Variants in SEMA3D observed in about 807,000 individuals in gnomAD.
SEMA3D encodes semaphorin 3D.
SEMA3D carries 84 observed loss-of-function variants against 100.1 expected under a neutral mutation model. The observed-to-expected ratio is 0.84, with a 90% CI of 0.70 to 1.01. SEMA3D has a LOEUF of 1.01. SEMA3D is among the 50% of genes least tolerant of loss of function. The pLI, the probability that SEMA3D is intolerant of heterozygous loss-of-function variation, is 0.00. For missense variants in SEMA3D, 875 were observed against 934.1 expected, an observed-to-expected ratio of 0.94 and a Z score of 0.82; for synonymous variants, 312 against 320.7, an observed-to-expected ratio of 0.97 and a Z score of 0.29.
chr7:85,105,251 C>T (rs1248167975), intron 3 of SEMA3D, among the ~76,000 whole-genome samples: 1 of 152,056 alleles, frequency 6.6e-6, no homozygotes, highest in African/African-American at 2.4e-5. Flanking sequence ...GAGTTAGTAT[C>T]AGAGCATCAT....
the SEMA3D span, among the ~76,000 whole-genome samples, chr7:85,249,624 A>G: frequency 6.6e-6 from 1 of 152,160 alleles, no homozygotes; most frequent in Admixed American, 6.5e-5. Flanking sequence ...TTGAGGACCT[A>G]CCAATTTTCC....
intron 12 of SEMA3D, chr7:85,028,285 C>G (rs1171815765): frequency 2.9e-6 from 2 of 701,358 alleles, no homozygotes; most frequent in Non-Finnish European, 2.6e-6. Context: ...GAATGACTCT[C>G]AGCATCAGGG....
intron 2 of SEMA3D, chr7:85,139,883 A>C (rs1789993135): frequency 6.6e-6 from 1 of 152,062 alleles, no homozygotes; most frequent in Non-Finnish European, 1.5e-5. Context: ...TGTTATTTAC[A>C]GTGCTGTTGC....
At chr7:85,055,674 A>G (rs1336275888) in intron 9 of SEMA3D, 43 bp downstream of exon 9, 8 of 181,040 alleles carry the variant, frequency 4.4e-5, no homozygotes, top group Middle Eastern at 2.1e-3. Context: ...ATATATATAT[A>G]TATATATATA....
At chr7:85,131,931 TC>T (rs1460881002) in intron 2 of SEMA3D, among the ~76,000 whole-genome samples, 1 of 151,912 alleles carries the variant, frequency 6.6e-6, no homozygotes, top group Non-Finnish European at 1.5e-5. Context: ...TAAAATTTAT[TC>T]TTCCTAAATA....
At chr7:85,026,367 T>C (rs1481891907) in intron 12 of SEMA3D, among the ~76,000 whole-genome samples, 1 of 152,012 alleles carries the variant, frequency 6.6e-6, no homozygotes, top group Non-Finnish European at 1.5e-5. Context: ...TAGAGAGACA[T>C]GAGTGAGCCA....
intron 1 of SEMA3D, among the ~76,000 whole-genome samples, chr7:85,175,539 G>C (rs1791201238): frequency 2.0e-5 from 3 of 152,160 alleles, no homozygotes; most frequent in Admixed American, 2.0e-4. Context: ...TCAAGCCAAA[G>C]AAAGGGAAAT....
At chr7:85,036,386 C>G (rs907158903) in intron 12 of SEMA3D, among the ~76,000 whole-genome samples, 1 of 151,878 alleles carries the variant, frequency 6.6e-6, no homozygotes, top group Admixed American at 6.6e-5. Context: ...TTCTAAAATT[C>G]CTTTCCCATT....
chr7:85,096,163 A>G (rs1562816216), intron 4 of SEMA3D, among the ~76,000 whole-genome samples: 1 of 151,954 alleles, frequency 6.6e-6, no homozygotes, highest in Non-Finnish European at 1.5e-5. Flanking sequence ...TTCCTTGGCC[A>G]CTTTCATAAA....
At chr7:85,039,011 G>C (rs1790779316) in intron 11 of SEMA3D, among the ~76,000 whole-genome samples, 1 of 152,078 alleles carries the variant, frequency 6.6e-6, no homozygotes, top group Non-Finnish European at 1.5e-5. Flanking sequence ...TTCACTAGGA[G>C]GCAGTAAGAC....
At chr7:85,215,201 G>T in the SEMA3D span, among the ~76,000 whole-genome samples, 2 of 147,406 alleles carry the variant, frequency 1.4e-5, no homozygotes, top group African/African-American at 2.5e-5. Context: ...AATCTCAATT[G>T]CCCTGCACTC....
intron 4 of SEMA3D, among the ~76,000 whole-genome samples, chr7:85,089,518 C>T (rs1380832256): frequency 6.6e-6 from 1 of 152,108 alleles, no homozygotes; most frequent in Non-Finnish European, 1.5e-5. Flanking sequence ...AATGTCTGAC[C>T]TGTTTTATTT....
intron 11 of SEMA3D, among the ~76,000 whole-genome samples, chr7:85,038,837 C>T (rs1456102021): frequency 6.6e-6 from 1 of 152,158 alleles, no homozygotes; most frequent in African/African-American, 2.4e-5. Flanking sequence ...TTTGAACATT[C>T]ATATTCTGTA....
chr7:85,014,447 G>T (rs894214005), intron 16 of SEMA3D, among the ~76,000 whole-genome samples: 12 of 151,860 alleles, frequency 7.9e-5, no homozygotes, highest in African/African-American at 1.2e-4. Context: ...TTGCACATGT[G>T]TATATAGAAC....
chr7:85,193,449 T>C, the SEMA3D span, among the ~76,000 whole-genome samples: 1 of 152,144 alleles, frequency 6.6e-6, no homozygotes, highest in Non-Finnish European at 1.5e-5. Flanking sequence ...TTAAAAATAC[T>C]GTGGAATATT....
chr7:85,158,988 G>A (rs980361310), intron 1 of SEMA3D, among the ~76,000 whole-genome samples: 1 of 152,086 alleles, frequency 6.6e-6, no homozygotes, highest in South Asian at 2.1e-4. Context: ...CACTGACTGT[G>A]TCTATTGTGT....
chr7:85,025,295 T>G (rs1244621934), intron 12 of SEMA3D, among the ~76,000 whole-genome samples: 1 of 151,932 alleles, frequency 6.6e-6, no homozygotes, highest in African/African-American at 2.4e-5. Context: ...CTGGAAATAT[T>G]AATACCAGCA....
At chr7:85,052,897 C>T (rs982888801) in intron 9 of SEMA3D, among the ~76,000 whole-genome samples, 1 of 151,850 alleles carries the variant, frequency 6.6e-6, no homozygotes, top group Non-Finnish European at 1.5e-5. Context: ...TAATCCTTTA[C>T]CCATTTTTAT....
chr7:85,218,457 A>T, the SEMA3D span, among the ~76,000 whole-genome samples: 2 of 152,004 alleles, frequency 1.3e-5, no homozygotes, highest in Non-Finnish European at 1.5e-5. Flanking sequence ...CTATATTTCA[A>T]ATGGTCTTGA....
Sources: gnomAD v4.1 joint callset for allele counts (sites outside exome capture counted in the v4.1 genomes callset) on GRCh38, gnomAD v4.1.1 for gene constraint, MANE v1.5 for transcripts, NCBI Gene and HGNC (gene_info 2026-07-23, HGNC 2026-07-21) for gene names.